GFOD1: variants seen among roughly 807,000 people sequenced by gnomAD.
GFOD1 encodes the protein Gfo/Idh/MocA-like oxidoreductase domain containing 1.
Under a neutral mutation model 25.4 loss-of-function variants are expected in GFOD1, and 9 were observed. The ratio of observed to expected loss-of-function variants is 0.35; its 90% CI spans 0.21 to 0.62. The LOEUF is 0.62. Ranked by LOEUF, GFOD1 falls within the 20% of genes least tolerant of loss-of-function variation. The pLI, the probability that GFOD1 is intolerant of heterozygous loss-of-function variation, is 0.72. For synonymous variants in GFOD1, 253 were observed against 245.6 expected (o/e 1.03, Z -0.28); for missense variants, 403 against 556.9 (o/e 0.72, Z 2.78).
chr6:13,480,651 T>A (rs555722762), intron 1 of GFOD1, among the ~76,000 whole-genome samples: 1 of 152,168 alleles, frequency 6.6e-6, no homozygotes, highest in Non-Finnish European at 1.5e-5. Context: ...ACTACAGGCA[T>A]GCACCATCAT....
chr6:13,391,406 G>C (rs1045417617), intron 1 of GFOD1, among the ~76,000 whole-genome samples: 4 of 151,408 alleles, frequency 2.6e-5, no homozygotes, highest in Non-Finnish European at 5.9e-5. Flanking sequence ...GCTGAGGCAG[G>C]AGAATCGCTT....
At chr6:13,446,498 G>A (rs1758005144) in intron 1 of GFOD1, among the ~76,000 whole-genome samples, 1 of 152,288 alleles carries the variant, frequency 6.6e-6, no homozygotes, top group South Asian at 2.1e-4. Flanking sequence ...AAGAGCCTGG[G>A]ATTCAGACAC....
intron 1 of GFOD1, among the ~76,000 whole-genome samples, chr6:13,416,386 G>A (rs1786162925): frequency 6.6e-6 from 1 of 152,204 alleles, no homozygotes; most frequent in African/African-American, 2.4e-5. Flanking sequence ...AAAATGCTAT[G>A]AAAGAAACCA....
At chr6:13,399,367 A>C (rs949014403) in intron 1 of GFOD1, among the ~76,000 whole-genome samples, 3 of 152,016 alleles carry the variant, frequency 2.0e-5, no homozygotes, top group African/African-American at 7.3e-5. Flanking sequence ...CAGCAATTCC[A>C]CTCCTAGAAA....
At chr6:13,393,903 C>T (rs1785672859) in intron 1 of GFOD1, among the ~76,000 whole-genome samples, 1 of 151,388 alleles carries the variant, frequency 6.6e-6, no homozygotes, top group South Asian at 2.1e-4. Context: ...CTCAGCCTCC[C>T]GAGGAGGTGG....
chr6:13,476,836 A>G (rs527583802), intron 1 of GFOD1, among the ~76,000 whole-genome samples: 3 of 152,308 alleles, frequency 2.0e-5, no homozygotes, highest in African/African-American at 7.2e-5. Flanking sequence ...ATTCTCAAGG[A>G]AAGTCTAAAC....
intron 1 of GFOD1, among the ~76,000 whole-genome samples, chr6:13,424,213 C>T (rs183872791): frequency 1.3e-5 from 2 of 152,270 alleles, no homozygotes; most frequent in African/African-American, 4.8e-5. Flanking sequence ...GTTACCACTC[C>T]ATTGCTGAGC....
In GFOD1 at chr6:13,365,608, C is replaced by T. The variant is rs372269303; in HGVS notation, c.308G>A (p.Arg103His). The T allele has an allele frequency of 2.9e-5, 47 of 1,604,084 alleles. No homozygotes were observed. The highest frequency in any genetic ancestry group is 2.5e-4 in the African/African-American group (19 of 75,044). ...DRTATPLDAF[R>H]MTSAAHYYPK... Reference sequence around the variant, plus strand: ...GTAGTAGTGGGCGGCCGAGGTCATGCGGAAAGCGTCCAGCGGCGTGGCCGT... The same window carrying T: ...GTAGTAGTGGGCGGCCGAGGTCATGTGGAAAGCGTCCAGCGGCGTGGCCGT... The change falls in exon 2 of 2, where the codon CGC (arginine) becomes CAC (histidine). Residue 103 changes from arginine to histidine, a missense_variant. By Grantham distance (29) the Arg-to-His change is conservative. Coordinates refer to ENST00000379287, the MANE Select transcript of GFOD1 (RefSeq NM_018988.4). This position sits in a 1 kb window ranked among gnomAD's most constrained non-coding sequence, Gnocchi z 9.2.
chr6:13,420,797 C>A (rs889841577), intron 1 of GFOD1, among the ~76,000 whole-genome samples: 21 of 152,232 alleles, frequency 1.4e-4, no homozygotes, highest in Non-Finnish European at 1.5e-5. Flanking sequence ...TAGGCACCTT[C>A]TTCCTTTGTG....
chr6:13,399,890 T>C (rs1217256768), intron 1 of GFOD1, among the ~76,000 whole-genome samples: 1 of 152,244 alleles, frequency 6.6e-6, no homozygotes, highest in Non-Finnish European at 1.5e-5. Context: ...TTTTATTGCA[T>C]GTAAATTACC....
chr6:13,369,120 T>G (rs1245937829), intron 1 of GFOD1, among the ~76,000 whole-genome samples: 1 of 152,260 alleles, frequency 6.6e-6, no homozygotes, highest in Non-Finnish European at 1.5e-5. Flanking sequence ...GGTTGTTTAA[T>G]GCTTAAGTCT....
At chr6:13,465,617 G>C (rs1490806210) in intron 1 of GFOD1, among the ~76,000 whole-genome samples, 1 of 152,142 alleles carries the variant, frequency 6.6e-6, no homozygotes, top group Non-Finnish European at 1.5e-5. Context: ...ACCGGTCTGG[G>C]GTGCGGCCTG....
intron 1 of GFOD1, among the ~76,000 whole-genome samples, chr6:13,450,792 C>G (rs950986388): frequency 1.3e-5 from 2 of 152,188 alleles, no homozygotes; most frequent in Admixed American, 1.3e-4. Context: ...TTCGGCACAG[C>G]AAGCCCATCT....
chr6:13,438,108 T>C (rs1384981715), intron 1 of GFOD1, among the ~76,000 whole-genome samples: 1 of 152,216 alleles, frequency 6.6e-6, no homozygotes, highest in Non-Finnish European at 1.5e-5. Flanking sequence ...AAGGGTTTAG[T>C]AGGCTACACA....
intron 1 of GFOD1, among the ~76,000 whole-genome samples, chr6:13,447,364 T>C (rs1758019463): frequency 6.6e-6 from 1 of 152,162 alleles, no homozygotes; most frequent in African/African-American, 2.4e-5. Context: ...CCCCCCTTTT[T>C]ATAAGAACAT....
intron 1 of GFOD1, among the ~76,000 whole-genome samples, chr6:13,440,212 G>A (rs913906948): frequency 6.6e-6 from 1 of 151,498 alleles, no homozygotes; most frequent in African/African-American, 2.4e-5. Flanking sequence ...TTTTTGAGAT[G>A]GAGTTTTGCT....
At chr6:13,442,213 T>G (rs1757929219) in intron 1 of GFOD1, among the ~76,000 whole-genome samples, 1 of 152,262 alleles carries the variant, frequency 6.6e-6, no homozygotes, top group Non-Finnish European at 1.5e-5. Flanking sequence ...TTAGCTTGAC[T>G]TAGCCATTCC....
At chr6:13,406,760 C>G (rs1043100636) in intron 1 of GFOD1, among the ~76,000 whole-genome samples, 3 of 152,280 alleles carry the variant, frequency 2.0e-5, no homozygotes, top group South Asian at 2.1e-4. Flanking sequence ...AAGTGTCTGA[C>G]AGTAGGTGAT....
At chr6:13,408,729 T>G (rs1785992115) in intron 1 of GFOD1, among the ~76,000 whole-genome samples, 1 of 152,184 alleles carries the variant, frequency 6.6e-6, no homozygotes. Flanking sequence ...ATTTGTTCAC[T>G]TCTATAGTCG....
Sources: allele counts gnomAD v4.1 joint callset (sites outside exome capture counted in the v4.1 genomes callset), GRCh38; gene constraint gnomAD v4.1.1; non-coding constraint Gnocchi (gnomAD v3.1); transcripts MANE v1.5; gene names NCBI Gene and HGNC (gene_info 2026-07-23, HGNC 2026-07-21).